Variants in EVC observed in about 807,000 individuals in gnomAD.
EVC encodes EvC ciliary complex subunit 1.
In EVC, 116 loss-of-function variants were observed where a neutral mutation model predicts 118.9. The observed-to-expected ratio is 0.98, with a 90% CI of 0.84 to 1.14. The LOEUF (loss-of-function observed/expected upper bound fraction) is 1.14. Among genes scored for constraint, EVC ranks in the 50% most tolerant of loss-of-function variants. The probability of loss-of-function intolerance (pLI) is 0.00; values close to 1 mark genes in which losing one functional copy is unlikely to be tolerated. For missense variants in EVC, 1,401 were observed against 1,246.4 expected, an observed-to-expected ratio of 1.12 and a Z score of -1.87; for synonymous variants, 619 against 534.7, an observed-to-expected ratio of 1.16 and a Z score of -2.18.
intron 13 of EVC, among the ~76,000 whole-genome samples, chr4:5,796,428 T>C (rs7694665): frequency 0.013 from 1,949 of 152,304 alleles, 45 homozygotes; most frequent in African/African-American, 0.044. Flanking sequence ...ATGTTACTTC[T>C]AGAAGGAATT....
intron 11 of EVC, among the ~76,000 whole-genome samples, chr4:5,760,542 G>GTGTTTTT (rs1196812873): frequency 2.6e-5 from 4 of 152,170 alleles, no homozygotes; most frequent in African/African-American, 7.2e-5. Flanking sequence ...ATCTGTGTGG[G>GTGTTTTT]TGTTTTTTGT....
At chr4:5,793,856 C>T in intron 13 of EVC, 139 bp downstream of exon 13, 1 of 712,512 alleles carries the variant, frequency 1.4e-6, no homozygotes, top group Non-Finnish European at 2.6e-6. Flanking sequence ...CGTTTCTTAG[C>T]CTCGATTTCC....
chr4:5,770,857 A>G lies in EVC; in HGVS notation c.1564-12695A>G, dbSNP rs543299315. Among the ~76,000 whole-genome samples, 228 of 152,058 alleles carry G rather than the reference A, an allele frequency of 1.5e-3. 4 individuals are homozygous for G. The highest frequency in any genetic ancestry group is 6.0e-3 in the Admixed American group (92 of 15,290). On this transcript the variant is annotated intron_variant, in intron 11 of 20. Coordinates refer to ENST00000264956, the MANE Select transcript of EVC (RefSeq NM_153717.3). ...CAAAACCCCATCTCTACTAAAAATA[A>G]CACAAATTAGCCAGGTGTCGTGGGG...
chr4:5,792,958 C>A (rs951495575), intron 12 of EVC, among the ~76,000 whole-genome samples: 4 of 152,058 alleles, frequency 2.6e-5, no homozygotes, highest in Non-Finnish European at 4.4e-5. Context: ...CCAAAGATGG[C>A]GATTCTCTCC....
intron 11 of EVC, among the ~76,000 whole-genome samples, chr4:5,782,248 A>G (rs1417536182): frequency 6.6e-6 from 1 of 150,750 alleles, no homozygotes; most frequent in Admixed American, 6.6e-5. Context: ...TAATTTTTAT[A>G]TTTTTTAGTA....
Position 5,719,540 on chromosome 4 carries a change from T to C in EVC, c.300+167T>C, listed in dbSNP as rs994980533. On this transcript the variant is annotated intron_variant, in intron 2 of 20. Transcript: ENST00000264956. The surrounding 1 kb of genome is among the most constrained non-coding windows in gnomAD (Gnocchi z 4.7). ...AGTCAAATGCGCAGACTTTAGGTTT[T>C]ACAGTTTGATGAGTTTTGACAATTG... is the stretch of plus-strand genomic sequence containing the variant. Among the ~76,000 whole-genome samples the C allele has an allele frequency of 2.0e-5, 3 of 152,218 alleles. No homozygotes were observed. The highest frequency in any genetic ancestry group is 7.2e-5 in the African/African-American group (3 of 41,458).
At chr4:5,816,748 G>C (rs769665341), downstream of EVC, among the ~76,000 whole-genome samples, 1 of 143,090 alleles carries the variant, frequency 7.0e-6, no homozygotes, top group Non-Finnish European at 1.5e-5. Context: ...CAGCTGCATC[G>C]CAAATCTGTG....
Position 5,742,576 on chromosome 4 carries a change from T to A in EVC, c.801+762T>A, listed in dbSNP as rs1177320063. Among the ~76,000 whole-genome samples, 1 of 152,168 alleles carries A rather than the reference T, an allele frequency of 6.6e-6. No homozygotes were observed. The highest frequency in any genetic ancestry group is 1.5e-5 in the Non-Finnish European group (1 of 68,034). ...CACTGACATCATCATTCTTTGTCTT[T>A]ACCACCATCATCATCATCCTCATGA... On this transcript the variant is annotated intron_variant, in intron 6 of 20. Transcript: ENST00000264956. This position sits in a 1 kb window ranked among gnomAD's most constrained non-coding sequence, Gnocchi z 5.2.
chr4:5,714,206 TG>T lies in EVC; in HGVS notation c.174+2653del, dbSNP rs557350679. ...CGCTAGATCAGGTACTTCCCTGCTT[TG>T]TAGGCACTGTTTGTTCTCCTCCTCT... On this transcript the variant is annotated intron_variant, in intron 1 of 20. Transcript: ENST00000264956. 3.8e-4 allele frequency among the ~76,000 whole-genome samples: 58 copies of T among 152,374 alleles called. No individual in the cohort carries two copies. The East Asian group carries it at 0.011, about 28-fold the overall frequency.
At chr4:5,722,969 C>T (rs1725210198) in intron 2 of EVC, among the ~76,000 whole-genome samples, 6 of 152,190 alleles carry the variant, frequency 3.9e-5, no homozygotes, top group Admixed American at 3.9e-4. Context: ...CCGCTCCTTC[C>T]CTGATTTCAG....
At chr4:5,807,864 G>T (rs562419308) in intron 17 of EVC, among the ~76,000 whole-genome samples, 5 of 152,240 alleles carry the variant, frequency 3.3e-5, no homozygotes, top group Admixed American at 3.3e-4. Context: ...CTTCACAGAC[G>T]TGTGTCCTGA....
intron 5 of EVC, among the ~76,000 whole-genome samples, chr4:5,736,490 G>T (rs377333277): frequency 6.7e-6 from 1 of 149,176 alleles, no homozygotes; most frequent in Non-Finnish European, 1.5e-5. Flanking sequence ...ACTTAATTGC[G>T]CTTCAGAGAT....
chr4:5,795,200 C>T (rs1254585395), intron 13 of EVC, among the ~76,000 whole-genome samples: 1 of 152,152 alleles, frequency 6.6e-6, no homozygotes, highest in East Asian at 1.9e-4. Flanking sequence ...CATATAAGTA[C>T]ATGTGTCTTT....
chr4:5,719,907 T>A lies in EVC; in HGVS notation c.300+534T>A, dbSNP rs1724654861. Among the ~76,000 whole-genome samples, 1 of 152,256 alleles carries A rather than the reference T, an allele frequency of 6.6e-6. No individual in the cohort carries two copies. The highest frequency in any genetic ancestry group is 2.1e-4 in the South Asian group (1 of 4,834). On this transcript the variant is annotated intron_variant, in intron 2 of 20. Transcript: ENST00000264956. This position sits in a 1 kb window ranked among gnomAD's most constrained non-coding sequence, Gnocchi z 4.7. The stretch of plus-strand genomic sequence containing the variant: ...ATTTCATTGGCAGACCGGGCTGTTT[T>A]CAGAATTTGACTGTAATGAATAAGC...
At chr4:5,763,598 C>G (rs1459173130) in intron 11 of EVC, among the ~76,000 whole-genome samples, 2 of 125,696 alleles carry the variant, frequency 1.6e-5, no homozygotes, top group Admixed American at 1.8e-4. Flanking sequence ...TTGTAGTTCT[C>G]CTTGAAGAGG....
In EVC at chr4:5,719,155, G is replaced by C. The variant is rs1477727102; in HGVS notation, c.175-93G>C. 3.3e-6 allele frequency: 5 copies of C among 1,527,740 alleles called. No homozygotes were observed. The African/African-American group carries it at 6.8e-5, about 21-fold the overall frequency. 94.6% of individuals were successfully genotyped at this position (1,527,740 alleles called of 1,614,324 possible). On this transcript the variant is annotated intron_variant, in intron 1 of 20. Transcript: ENST00000264956. The surrounding 1 kb of genome is among the most constrained non-coding windows in gnomAD (Gnocchi z 4.7). Reference sequence around the variant, plus strand: ...AGCAGAAGTGGCTGCTGGACTGGGGGAGTTGACTGGCAAAAGTCACGGTGG... The same window carrying C: ...AGCAGAAGTGGCTGCTGGACTGGGGCAGTTGACTGGCAAAAGTCACGGTGG...
At position 5,754,415 on chromosome 4, in the gene EVC, G is replaced by A. The variant is rs1730864575; in HGVS notation, c.1464+482G>A. Among the ~76,000 whole-genome samples, 2 of 152,114 alleles carry A rather than the reference G, an allele frequency of 1.3e-5. No homozygotes were observed. Among genetic ancestry groups the A allele is most frequent in the African/African-American group, 4.8e-5 (2 of 41,438 alleles). ...GGGCCAGGAGGTGGCCAAGGTCAGAGGTACCCTTGGTCTTGCCTGAGAAGG... is the reference window on the plus strand; with the variant it reads ...GGGCCAGGAGGTGGCCAAGGTCAGAAGTACCCTTGGTCTTGCCTGAGAAGG... On this transcript the variant is annotated intron_variant, in intron 10 of 20. Coordinates refer to ENST00000264956, the MANE Select transcript of EVC (RefSeq NM_153717.3). This position sits in a 1 kb window ranked among gnomAD's most constrained non-coding sequence, Gnocchi z 5.8.
intron 3 of EVC, 150 bp downstream of exon 3, chr4:5,729,540 A>G (rs1483258685): frequency 6.2e-6 from 5 of 805,166 alleles, no homozygotes; most frequent in Non-Finnish European, 8.5e-6. Context: ...TTTGAGGCTC[A>G]GGAACAGGAC....
rs1290129335 is a variant in EVC at position 5,752,946 on chromosome 4, C to T, written c.1209C>T (p.Gly403=). 1 of 1,614,116 alleles carries T rather than the reference C, an allele frequency of 6.2e-7. No individual in the cohort carries two copies. Among genetic ancestry groups the T allele is most frequent in the Admixed American group, 1.7e-5 (1 of 60,036 alleles). Residue 403 remains glycine (G), a synonymous_variant, in exon 9 of 21, where the codon GGC becomes GGT. Transcript: ENST00000264956. ...GCCGGCTGGCTGCCATCTCCCACGGCCTGGAGCTGCTGGCTGGTGAGGGGA... is the reference window on the plus strand; with the variant it reads ...GCCGGCTGGCTGCCATCTCCCACGGTCTGGAGCTGCTGGCTGGTGAGGGGA... ...TRCRLAAISH[G]LELLAGEGKL...
Sources: gnomAD v4.1 joint callset for allele counts (sites outside exome capture counted in the v4.1 genomes callset) on GRCh38, gnomAD v4.1.1 for gene constraint, Gnocchi (gnomAD v3.1) non-coding constraint, MANE v1.5 for transcripts, NCBI Gene and HGNC (gene_info 2026-07-23, HGNC 2026-07-21) for gene names.